The following B4GALNT2 variants were observed in gnomAD, a reference collection of about 807,000 sequenced individuals.
B4GALNT2 encodes N-acetylneuraminylgalactosylglucosyl-glucoside beta-1,4-N- acetylgalactosaminyltransferase 2.
B4GALNT2 carries 42 observed loss-of-function variants against 51.1 expected under a neutral mutation model. That is an observed-to-expected ratio of 0.82 (90% CI 0.64 to 1.06). B4GALNT2 has a LOEUF of 1.06. Among genes scored for constraint, B4GALNT2 ranks in the 50% least tolerant of loss-of-function variants. B4GALNT2 has a pLI of 0.00. For synonymous variants in B4GALNT2, 253 were observed against 251.7 expected, an observed-to-expected ratio of 1.01 and a Z score of -0.05; for missense variants, 602 against 633.6, an observed-to-expected ratio of 0.95 and a Z score of 0.54.
intron 5 of B4GALNT2, among the ~76,000 whole-genome samples, chr17:49,157,102 A>T (rs1011541559): frequency 1.3e-5 from 2 of 152,192 alleles, no homozygotes; most frequent in Non-Finnish European, 2.9e-5. Context: ...GGAATGGGTG[A>T]TGAGTGAGCA....
At chr17:49,139,350 C>T (rs1225420321) in intron 1 of B4GALNT2, among the ~76,000 whole-genome samples, 3 of 152,054 alleles carry the variant, frequency 2.0e-5, no homozygotes, top group Admixed American at 1.3e-4. Context: ...GTGATCGTCC[C>T]ACCTCAGCCT....
At chr17:49,150,386 G>GC (rs1200059220) in intron 3 of B4GALNT2, among the ~76,000 whole-genome samples, 1 of 152,108 alleles carries the variant, frequency 6.6e-6, no homozygotes, top group African/African-American at 2.4e-5. Flanking sequence ...GAAGTGAGGA[G>GC]CCCCTCTGCC....
chr17:49,142,110 C>T lies in B4GALNT2; in HGVS notation c.291C>T (p.Gly97=). The change falls in exon 3 of 11, where the codon GGC becomes GGT. Residue 97 remains glycine, a synonymous_variant. Transcript: ENST00000393354. ...GTTACAACTTTCAGGATGCCTATGG[C>T]CAGAGCGACCTCCCAGCGGTGAAAG... is the stretch of plus-strand genomic sequence containing the variant. The part of the protein sequence containing the change: ...QGGYNFQDAY[G]QSDLPAVKAR... 1 of 1,614,074 alleles carries T rather than the reference C, an allele frequency of 6.2e-7. No individual in the cohort carries two copies. The highest frequency in any genetic ancestry group is 8.5e-7 in the Non-Finnish European group (1 of 1,180,016).
intron 1 of B4GALNT2, 26 bp from the exon 2 acceptor site, chr17:49,141,221 T>C (rs749954745): frequency 3.1e-6 from 5 of 1,596,046 alleles, no homozygotes; most frequent in Admixed American, 3.3e-5. Context: ...GATTTTAACA[T>C]AATCTGTTCT....
Position 49,173,454 on chromosome 17 carries a change from AG to A in B4GALNT2, c.*3727del, listed in dbSNP as rs2144353810. On this transcript the variant is annotated 3_prime_UTR_variant, in exon 11 of 11. Coordinates refer to ENST00000393354, the MANE Select transcript of B4GALNT2 (RefSeq NM_001159387.2). ...TAGACCCATCTGTGAAGACATTTTC[AG>A]CACCTTCAAGTGGTTTGAATTTAGT... 6.6e-6 allele frequency: 1 copy of A among 152,356 alleles called. No homozygotes were observed. The highest frequency in any genetic ancestry group is 2.1e-4 in the South Asian group (1 of 4,826). 9.4% of individuals were successfully genotyped at this position (152,356 alleles called of 1,614,324 possible). A position where few individuals can be genotyped will look rare whatever the true frequency, so the allele number is the denominator to read the frequency against.
At chr17:49,168,353 C>G (rs2042929178) in intron 9 of B4GALNT2, among the ~76,000 whole-genome samples, 1 of 152,190 alleles carries the variant, frequency 6.6e-6, no homozygotes, top group Non-Finnish European at 1.5e-5. Flanking sequence ...TGCCTCTTAC[C>G]TGTACTGCAG....
In B4GALNT2 at chr17:49,159,111, C is replaced by A; in HGVS notation, c.573C>A (p.Gly191=). 1 of 1,614,188 alleles carries A rather than the reference C, an allele frequency of 6.2e-7. No homozygotes were observed. The highest frequency in any genetic ancestry group is 8.5e-7 in the Non-Finnish European group (1 of 1,180,026). Residue 191 remains glycine (G), a synonymous_variant, in exon 6 of 11, where the codon GGC becomes GGA. Coordinates refer to ENST00000393354, the MANE Select transcript of B4GALNT2 (RefSeq NM_001159387.2). ...DVPDSVVQGR[G]QKQLIISTSD... is the part of the protein sequence containing the mutation. ...CAGACAGTGTGGTGCAGGGCAGAGG[C>A]CAGAAGCAGCTGATCATTTCTACCA...
chr17:49,144,767 CA>C (rs2042677176), intron 3 of B4GALNT2, among the ~76,000 whole-genome samples: 1 of 152,042 alleles, frequency 6.6e-6, no homozygotes, highest in African/African-American at 2.4e-5. Flanking sequence ...ACAGAACTAA[CA>C]GGGGGGAGAG....
At position 49,173,590 on chromosome 17, in the gene B4GALNT2, A is replaced by T. The variant is rs1220051526; in HGVS notation, c.*3862A>T. On this transcript the variant is annotated 3_prime_UTR_variant, in exon 11 of 11. Transcript: ENST00000393354. ...GTCAGCTAAATGGGTTTGCCAGGTA[A>T]GACTATTTATAAAAGCTTGCTCTAT... is the stretch of plus-strand genomic sequence containing the variant. 6.6e-6 allele frequency: 1 copy of T among 152,226 alleles called. No individual in the cohort carries two copies. Among genetic ancestry groups the T allele is most frequent in the African/African-American group, 2.4e-5 (1 of 41,464 alleles). 9.4% of individuals were successfully genotyped at this position (152,226 alleles called of 1,614,324 possible).
chr17:49,131,658 G>C (rs1270650889), upstream of B4GALNT2, among the ~76,000 whole-genome samples: 1 of 151,958 alleles, frequency 6.6e-6, no homozygotes, highest in East Asian at 1.9e-4. Context: ...TTACAGGTGT[G>C]TGCAATCACC....
Position 49,171,405 on chromosome 17 carries a change from G to A in B4GALNT2, c.*1677G>A. ...TGGCATTAAGGTCAAGTGTGCCTGG[G>A]ATGCTTTAAATATTTGTTCTTTTAA... On this transcript the variant is annotated 3_prime_UTR_variant, in exon 11 of 11. Transcript: ENST00000393354. 1 of 434,056 alleles carries A rather than the reference G, an allele frequency of 2.3e-6. No individual in the cohort carries two copies. Among genetic ancestry groups the A allele is most frequent in the Non-Finnish European group, 4.5e-6 (1 of 221,840 alleles). The allele number at this position is 434,056 out of a possible 1,614,324, so 26.9% of individuals were successfully genotyped here.
Position 49,142,180 on chromosome 17 carries a change from G to A in B4GALNT2, c.353+8G>A, listed in dbSNP as rs12453819. 0.29 allele frequency: 470,791 copies of A among 1,613,312 alleles called. 70,983 individuals carry two copies. Among genetic ancestry groups the A allele is most frequent in the East Asian group, 0.48 (21,513 of 44,842 alleles). On this transcript the variant is annotated splice_region_variant and intron_variant, in intron 3 of 10. Coordinates refer to ENST00000393354, the MANE Select transcript of B4GALNT2 (RefSeq NM_001159387.2). ...TGAACACTTTCAGAGGAGGTAATGC[G>A]GGTCATGAAGGCCCTTGGGTTCTGA...
chr17:49,126,900 C>T, the B4GALNT2 span, among the ~76,000 whole-genome samples: 1 of 152,210 alleles, frequency 6.6e-6, no homozygotes, highest in African/African-American at 2.4e-5. Context: ...GACAGAGTTT[C>T]ACCATATTAG....
At chr17:49,161,061 G>A (rs1379984849) in intron 7 of B4GALNT2, among the ~76,000 whole-genome samples, 2 of 152,112 alleles carry the variant, frequency 1.3e-5, no homozygotes, top group Admixed American at 1.3e-4. Context: ...GATCACCTGA[G>A]GTCAGGAGTT....
the B4GALNT2 span, among the ~76,000 whole-genome samples, chr17:49,126,650 CTTTTTT>C: frequency 5.7e-5 from 5 of 88,022 alleles, no homozygotes; most frequent in Non-Finnish European, 1.0e-4. Context: ...TTCTTTCTTT[CTTTTTT>C]TTTTTTTTTT....
At chr17:49,158,094 A>G (rs995138464) in intron 5 of B4GALNT2, among the ~76,000 whole-genome samples, 2 of 152,306 alleles carry the variant, frequency 1.3e-5, no homozygotes, top group East Asian at 3.9e-4. Context: ...ACTTGCCGCC[A>G]GATGGGCTGT....
intron 1 of B4GALNT2, among the ~76,000 whole-genome samples, chr17:49,139,880 T>C (rs2042624973): frequency 6.6e-6 from 1 of 151,824 alleles, no homozygotes; most frequent in Admixed American, 6.6e-5. Flanking sequence ...ATTACAGTTT[T>C]CTTTGTGTCC....
intron 3 of B4GALNT2, among the ~76,000 whole-genome samples, chr17:49,151,775 C>CA (rs1234579681): frequency 2.6e-5 from 4 of 151,560 alleles, no homozygotes; most frequent in African/African-American, 9.7e-5. Flanking sequence ...TATCAACAAC[C>CA]AAAAAAACCA....
At chr17:49,155,297 CAA>C (rs34869721) in intron 4 of B4GALNT2, among the ~76,000 whole-genome samples, 8,573 of 53,328 alleles carry the variant, frequency 0.16, 165 homozygotes, top group South Asian at 0.29. Context: ...GATTCAGTCT[CAA>C]AAAAAAAAAA....
Sources: gnomAD v4.1 joint callset for allele counts (sites outside exome capture counted in the v4.1 genomes callset) on GRCh38, gnomAD v4.1.1 for gene constraint, MANE v1.5 for transcripts, NCBI Gene and HGNC (gene_info 2026-07-23, HGNC 2026-07-21) for gene names.